Variants in ZNF462 observed in about 807,000 individuals in gnomAD.
ZNF462 encodes zinc finger PBX1-interacting protein.
A neutral mutation model predicts 201.9 loss-of-function variants in ZNF462; 10 were observed. The observed-to-expected ratio is 0.05, with a 90% CI of 0.03 to 0.08. The LOEUF (loss-of-function observed/expected upper bound fraction) is 0.08, where lower values mean the gene tolerates loss of function less well. Ranked by LOEUF, ZNF462 falls within the 10% of genes least tolerant of loss-of-function variation. The pLI, the probability that ZNF462 is intolerant of heterozygous loss-of-function variation, is 1.00. For synonymous variants in ZNF462, 1,227 were observed against 1,193.3 expected, an observed-to-expected ratio of 1.03 and a Z score of -0.58; for missense variants, 2,523 against 3,168.3, an observed-to-expected ratio of 0.80 and a Z score of 4.89.
chr9:106,879,329 T>TCCCCC (rs1321110689), intron 1 of ZNF462, among the ~76,000 whole-genome samples: 3 of 74,506 alleles, frequency 4.0e-5, no homozygotes, highest in African/African-American at 1.4e-4. Context: ...AGAGATGCTT[T>TCCCCC]CCACCCCCCC....
chr9:106,915,876 C>CT (rs1281115383), intron 1 of ZNF462, among the ~76,000 whole-genome samples: 1 of 152,104 alleles, frequency 6.6e-6, no homozygotes, highest in African/African-American at 2.4e-5. Flanking sequence ...AGGTGCCAGG[C>CT]TTAGGTAATC....
chr9:106,997,961 T>C (rs975463355), intron 10 of ZNF462, among the ~76,000 whole-genome samples: 31 of 144,542 alleles, frequency 2.1e-4, no homozygotes, highest in Middle Eastern at 3.4e-3. Flanking sequence ...ATCCATTGAC[T>C]TATTGTTTAT....
chr9:107,010,859 A>G lies in ZNF462; in HGVS notation c.7350A>G (p.Glu2450=). The change falls in exon 13 of 13, where the codon GAA becomes GAG. Residue 2450 remains glutamate (E), a synonymous_variant. Coordinates refer to ENST00000277225, the MANE Select transcript of ZNF462 (RefSeq NM_021224.6). The surrounding 1 kb of genome is among the most constrained non-coding windows in gnomAD (Gnocchi z 4.6). ...LNDTKQVSRE[E]IHPKEIMENS... ...ACACCAAGCAGGTGAGCAGAGAAGA[A>G]ATCCACCCAAAAGAGATCATGGAGA... 1 of 1,613,382 alleles carries G rather than the reference A, an allele frequency of 6.2e-7. No homozygotes were observed. Among genetic ancestry groups the G allele is most frequent in the Non-Finnish European group, 8.5e-7 (1 of 1,179,660 alleles).
At chr9:106,955,873 C>G (rs1831551592) in intron 7 of ZNF462, among the ~76,000 whole-genome samples, 1 of 152,146 alleles carries the variant, frequency 6.6e-6, no homozygotes, top group Admixed American at 6.6e-5. Flanking sequence ...TCATGAGAAT[C>G]AGTCACCTCT....
At chr9:106,995,602 C>T (rs1357716151) in intron 10 of ZNF462, 1 of 152,126 alleles carries the variant, frequency 6.6e-6, no homozygotes, top group Non-Finnish European at 1.5e-5. Flanking sequence ...CATCACCTAC[C>T]TGTTTTGTGA....
intron 9 of ZNF462, among the ~76,000 whole-genome samples, chr9:106,983,620 G>T (rs1827607747): frequency 6.6e-6 from 1 of 152,228 alleles, no homozygotes; most frequent in Admixed American, 6.5e-5. Context: ...CAACTGCAAT[G>T]TCTATGACCT....
rs1475858358 is a variant in ZNF462, at chr9:106,923,625, C to T, written c.220+22C>T. ...TCAGGTAAATCTATACTAAACTTGG[C>T]ACGGCCGATGTATTTTAATTGCTCT... On this transcript the variant is annotated intron_variant, in intron 2 of 12. Coordinates refer to ENST00000277225, the MANE Select transcript of ZNF462 (RefSeq NM_021224.6). The surrounding 1 kb of genome is among the most constrained non-coding windows in gnomAD (Gnocchi z 5.6). 2 of 1,607,368 alleles carry T rather than the reference C, an allele frequency of 1.2e-6. No homozygotes were observed. The highest frequency in any genetic ancestry group is 2.2e-5 in the South Asian group (2 of 90,892).
rs1054255869 is a variant in ZNF462, at chr9:106,962,128, G to T, written c.6428-9877G>T. Among the ~76,000 whole-genome samples the T allele has an allele frequency of 2.6e-5, 4 of 151,938 alleles. No homozygotes were observed. Among genetic ancestry groups the T allele is most frequent in the Non-Finnish European group, 4.4e-5 (3 of 67,952 alleles). Reference sequence around the variant, plus strand: ...ATTTTAGAAAAGAAAGGAATCATAGGGGGAGAAGAAACTGGAAAATGGAAT... The same window carrying T: ...ATTTTAGAAAAGAAAGGAATCATAGTGGGAGAAGAAACTGGAAAATGGAAT... On this transcript the variant is annotated intron_variant, in intron 7 of 12. Transcript: ENST00000277225. The surrounding 1 kb of genome is among the most constrained non-coding windows in gnomAD (Gnocchi z 4.6).
intron 10 of ZNF462, among the ~76,000 whole-genome samples, chr9:106,994,919 A>G (rs139269074): frequency 4.1e-4 from 63 of 152,240 alleles, no homozygotes; most frequent in African/African-American, 1.4e-3. Flanking sequence ...CTTTCTTTCA[A>G]AATCTAACCT....
chr9:107,008,993 C>G lies in ZNF462; in HGVS notation c.7190-552C>G, dbSNP rs573691070. 6.6e-6 allele frequency among the ~76,000 whole-genome samples: 1 copy of G among 152,258 alleles called. No individual in the cohort carries two copies. The highest frequency in any genetic ancestry group is 1.9e-4 in the East Asian group (1 of 5,166). On this transcript the variant is annotated intron_variant, in intron 11 of 12. Transcript: ENST00000277225. This position sits in a 1 kb window ranked among gnomAD's most constrained non-coding sequence, Gnocchi z 4.8. ...ATCTCATTCAGTGCACATAACCGCC[C>G]TGTAAGGTATTGATTATAATGTCTA...
rs1021408181 is a variant in ZNF462 at position 106,880,153 on chromosome 9, C to T, written c.-31+16798C>T. 1.3e-5 allele frequency among the ~76,000 whole-genome samples: 2 copies of T among 152,084 alleles called. No individual in the cohort carries two copies. Among genetic ancestry groups the T allele is most frequent in the Non-Finnish European group, 2.9e-5 (2 of 68,012 alleles). On this transcript the variant is annotated intron_variant, in intron 1 of 12. Transcript: ENST00000277225. This position sits in a 1 kb window ranked among gnomAD's most constrained non-coding sequence, Gnocchi z 4.1. Reference sequence around the variant, plus strand: ...AAGAGCCCTCTCAATTTCTGCCGCCCGCTCAGGAGGATTTTCACAGCCTCT... The same window carrying T: ...AAGAGCCCTCTCAATTTCTGCCGCCTGCTCAGGAGGATTTTCACAGCCTCT...
Position 106,933,786 on chromosome 9 carries a change from G to A in ZNF462, c.6116+1237G>A, listed in dbSNP as rs550893596. 6.6e-6 allele frequency among the ~76,000 whole-genome samples: 1 copy of A among 152,254 alleles called. No homozygotes were observed. Among genetic ancestry groups the A allele is most frequent in the East Asian group, 1.9e-4 (1 of 5,174 alleles). On this transcript the variant is annotated intron_variant, in intron 5 of 12. Transcript: ENST00000277225. The surrounding 1 kb of genome is among the most constrained non-coding windows in gnomAD (Gnocchi z 4.3). ...GTTTTATGGCATAAGGAGCATTTGGGTGAAGTCTTAAAGTAGGAAAATAGG... is the reference window on the plus strand; with the variant it reads ...GTTTTATGGCATAAGGAGCATTTGGATGAAGTCTTAAAGTAGGAAAATAGG...
intron 1 of ZNF462, among the ~76,000 whole-genome samples, chr9:106,875,338 A>G (rs897276990): frequency 6.6e-6 from 1 of 152,228 alleles, no homozygotes; most frequent in Non-Finnish European, 1.5e-5. Context: ...TAAATCAGCA[A>G]TAGGAATCTT....
rs776123295 is a variant in ZNF462 at position 107,012,953 on chromosome 9, A to G, written c.*1923A>G. 1.8e-4 allele frequency: 28 copies of G among 152,114 alleles called. No homozygotes were observed. The highest frequency in any genetic ancestry group is 1.1e-3 in the Admixed American group (17 of 15,264). The allele number at this position is 152,114 out of a possible 1,614,324, so 9.4% of individuals were successfully genotyped here. On this transcript the variant is annotated 3_prime_UTR_variant, in exon 13 of 13. Transcript: ENST00000277225. Reference sequence around the variant, plus strand: ...ATTTTTTTAAGGGATGGGGGCCATCATGTGGAAACCAGAAAATGGGGAAAG... The same window carrying G: ...ATTTTTTTAAGGGATGGGGGCCATCGTGTGGAAACCAGAAAATGGGGAAAG...
intron 1 of ZNF462, among the ~76,000 whole-genome samples, chr9:106,892,702 A>G (rs952039646): frequency 7.9e-6 from 1 of 127,218 alleles, no homozygotes; most frequent in Non-Finnish European, 1.6e-5. Context: ...GCACACACAC[A>G]CGCACACACA....
At chr9:106,997,025 C>G (rs1828784994) in intron 10 of ZNF462, among the ~76,000 whole-genome samples, 1 of 152,114 alleles carries the variant, frequency 6.6e-6, no homozygotes, top group Non-Finnish European at 1.5e-5. Context: ...GCACAGTGCA[C>G]AACAAATATA....
At chr9:106,949,514 T>C (rs1831249953) in intron 7 of ZNF462, among the ~76,000 whole-genome samples, 1 of 152,192 alleles carries the variant, frequency 6.6e-6, no homozygotes, top group South Asian at 2.1e-4. Flanking sequence ...AACTTCTCCC[T>C]TCCTCCCACC....
chr9:106,864,778 G>C (rs1827258728), intron 1 of ZNF462, among the ~76,000 whole-genome samples: 1 of 152,154 alleles, frequency 6.6e-6, no homozygotes, highest in Admixed American at 6.5e-5. Flanking sequence ...CGGGGGCTGT[G>C]TCTGAGTGTC....
intron 7 of ZNF462, among the ~76,000 whole-genome samples, chr9:106,967,013 G>A (rs1832104289): frequency 6.6e-6 from 1 of 151,984 alleles, no homozygotes. Context: ...AGCATGCAAG[G>A]GGGCTGTCCT....
Sources: allele counts gnomAD v4.1 joint callset (sites outside exome capture counted in the v4.1 genomes callset), GRCh38; gene constraint gnomAD v4.1.1; non-coding constraint Gnocchi (gnomAD v3.1); transcripts MANE v1.5; gene names NCBI Gene and HGNC (gene_info 2026-07-23, HGNC 2026-07-21).